ANKRD18A: variants seen among roughly 807,000 people sequenced by gnomAD.
ANKRD18A encodes ankyrin repeat domain 18A.
ANKRD18A carries 72 observed loss-of-function variants against 110.6 expected under a neutral mutation model. That is an observed-to-expected ratio of 0.65 (90% CI 0.54 to 0.79). The LOEUF is 0.79. Ranked by LOEUF, ANKRD18A falls within the 30% of genes least tolerant of loss-of-function variation. The probability of loss-of-function intolerance (pLI) is 0.00; values close to 1 mark genes in which losing one functional copy is unlikely to be tolerated. For missense variants in ANKRD18A, 934 were observed against 1,163.3 expected (o/e 0.80, Z 2.87); for synonymous variants, 305 against 410.3 (o/e 0.74, Z 3.10).
At chr9:38,572,115 G>A in intron 15 of ANKRD18A, 56 bp from the exon 16 acceptor site, 1 of 1,358,798 alleles carries the variant, frequency 7.4e-7, no homozygotes, top group Non-Finnish European at 1.0e-6. Context: ...AGTTAACGAA[G>A]TGTAAGTTTA....
chr9:38,594,840 G>A (rs1405458635), intron 9 of ANKRD18A, among the ~76,000 whole-genome samples: 1 of 152,136 alleles, frequency 6.6e-6, no homozygotes, highest in Non-Finnish European at 1.5e-5. Context: ...ACACATTTCA[G>A]GTACAAGCAT....
At position 38,607,488 on chromosome 9, in the gene ANKRD18A, C is replaced by T. The variant is rs1485138689; in HGVS notation, c.746G>A (p.Arg249Gln). The change falls in exon 6 of 16, where the codon CGA (arginine) becomes CAA (glutamine). Residue 249 changes from arginine (R) to glutamine (Q), a missense_variant. Transcript: ENST00000399703. ...ATTTTTATGTTCCAAAATTTGTTGT[C>T]GGATGCTATGCATAATAAACGTAAT... Reference protein sequence around the residue: ...YALCSDLRSIRQQILEHKNKM... With the variant: ...YALCSDLRSIQQQILEHKNKM... 2.6e-5 allele frequency: 39 copies of T among 1,486,180 alleles called. No homozygotes were observed. Among genetic ancestry groups the T allele is most frequent in the Admixed American group, 7.3e-5 (3 of 41,288 alleles). The allele number at this position is 1,486,180 out of a possible 1,614,324, so 92.1% of individuals were successfully genotyped here. A position where few individuals can be genotyped will look rare whatever the true frequency, so the allele number is the denominator to read the frequency against.
At chr9:38,586,122 C>G in intron 12 of ANKRD18A, 61 bp downstream of exon 12, 2 of 1,458,648 alleles carry the variant, frequency 1.4e-6, no homozygotes, top group African/African-American at 3.0e-5. Flanking sequence ...ATGTAACAAA[C>G]CTGTACCTCT....
chr9:38,598,885 T>C (rs1384522349), intron 8 of ANKRD18A, among the ~76,000 whole-genome samples: 1 of 152,242 alleles, frequency 6.6e-6, no homozygotes, highest in African/African-American at 2.4e-5. Context: ...CATGCTTCCA[T>C]TCTTTGGAGT....
At chr9:38,615,531 T>C (rs1825812596) in intron 3 of ANKRD18A, 63 bp downstream of exon 3, 6 of 1,465,220 alleles carry the variant, frequency 4.1e-6, no homozygotes, top group South Asian at 3.0e-5. Context: ...ATATGAAAAA[T>C]TGACTCTTAA....
At chr9:38,602,250 G>A (rs916875510) in intron 7 of ANKRD18A, among the ~76,000 whole-genome samples, 3 of 150,614 alleles carry the variant, frequency 2.0e-5, no homozygotes, top group African/African-American at 7.4e-5. Context: ...TTCCTGCTAA[G>A]TGGTAGGCAC....
intron 1 of ANKRD18A, among the ~76,000 whole-genome samples, chr9:38,616,385 G>A (rs1391186663): frequency 5.9e-5 from 9 of 152,234 alleles, no homozygotes; most frequent in African/African-American, 1.9e-4. Context: ...ACACCACTGT[G>A]ATGCTTAAAT....
At chr9:38,584,541 G>C (rs184516390) in intron 12 of ANKRD18A, among the ~76,000 whole-genome samples, 1 of 152,114 alleles carries the variant, frequency 6.6e-6, no homozygotes, top group Non-Finnish European at 1.5e-5. Context: ...TGAGTGAATT[G>C]CATGGTGTGT....
chr9:38,570,426 C>A (rs948048637), downstream of ANKRD18A, among the ~76,000 whole-genome samples: 4 of 152,122 alleles, frequency 2.6e-5, no homozygotes, highest in African/African-American at 9.7e-5. Context: ...TACACCCCAC[C>A]GACCAGTTTT....
intron 1 of ANKRD18A, among the ~76,000 whole-genome samples, chr9:38,617,635 GT>G (rs1197102081): frequency 6.6e-6 from 1 of 152,076 alleles, no homozygotes; most frequent in African/African-American, 2.4e-5. Context: ...ATCTCTTATT[GT>G]TTTCTACCTT....
rs559927725 is a variant in ANKRD18A at position 38,586,360 on chromosome 9, A to T, written c.2118-48T>A. 2.5e-5 allele frequency: 35 copies of T among 1,425,550 alleles called. No individual in the cohort carries two copies. In the East Asian group the frequency reaches 8.7e-4, roughly 36 times the overall value. The allele number at this position is 1,425,550 out of a possible 1,614,324, so 88.3% of individuals were successfully genotyped here. A position where few individuals can be genotyped will look rare whatever the true frequency, so the allele number is the denominator to read the frequency against. On this transcript the variant is annotated intron_variant, in intron 11 of 15. Coordinates refer to ENST00000399703, the MANE Select transcript of ANKRD18A (RefSeq NM_147195.4). Reference sequence around the variant, plus strand: ...AAGTCAAGTATTTTTAAGAGTAAATATTTAATAATTGTTTAAACAGATATT... The same window carrying T: ...AAGTCAAGTATTTTTAAGAGTAAATTTTTAATAATTGTTTAAACAGATATT...
At chr9:38,572,201 T>G in intron 15 of ANKRD18A, 142 bp from the exon 16 acceptor site, 2 of 550,800 alleles carry the variant, frequency 3.6e-6, no homozygotes, top group Non-Finnish European at 6.1e-6. Flanking sequence ...ACAAAATTAC[T>G]ATTAAATCAT....
chr9:38,576,370 T>C (rs1018511841), intron 14 of ANKRD18A, among the ~76,000 whole-genome samples: 7 of 152,300 alleles, frequency 4.6e-5, no homozygotes, highest in African/African-American at 1.7e-4. Context: ...CAATTAGCCC[T>C]CAACACCGTG....
downstream of ANKRD18A, chr9:38,569,076 T>C (rs1823546185): frequency 2.0e-6 from 2 of 985,142 alleles, no homozygotes; most frequent in South Asian, 4.7e-5. Flanking sequence ...TTCTTCCATG[T>C]TGGGCTGGTC....
intron 5 of ANKRD18A, among the ~76,000 whole-genome samples, chr9:38,609,205 C>A (rs553790863): frequency 6.6e-6 from 1 of 152,004 alleles, no homozygotes; most frequent in African/African-American, 2.4e-5. Flanking sequence ...GTGGGCCGGG[C>A]GCGGTGGCTC....
chr9:38,575,928 A>G (rs1823874722), intron 14 of ANKRD18A, among the ~76,000 whole-genome samples: 1 of 152,220 alleles, frequency 6.6e-6, no homozygotes, highest in South Asian at 2.1e-4. Flanking sequence ...AAGCAGTTCA[A>G]AGTGGACAGG....
At chr9:38,614,219 G>GTTTTTTTTTTTTTTTTT (rs58955752) in intron 3 of ANKRD18A, among the ~76,000 whole-genome samples, 4 of 68,804 alleles carry the variant, frequency 5.8e-5, no homozygotes, top group Non-Finnish European at 7.8e-5. Context: ...GAACACTGAG[G>GTTTTTTTTTTTTTTTTT]TTTTTTTTTT....
chr9:38,588,840 T>C (rs1378010391), intron 10 of ANKRD18A, among the ~76,000 whole-genome samples, 177 bp from the exon 11 acceptor site: 1 of 152,184 alleles, frequency 6.6e-6, no homozygotes, highest in Non-Finnish European at 1.5e-5. Context: ...TTAAAACAGC[T>C]AAAAAAGATT....
In ANKRD18A at chr9:38,603,353, A is replaced by G. The variant is rs573602687; in HGVS notation, c.809-141T>C. The G allele has an allele frequency of 1.9e-3, 2,312 of 1,202,520 alleles. 4 individuals carry two copies. The highest frequency in any genetic ancestry group is 2.4e-3 in the Non-Finnish European group (2,064 of 868,628). The allele number at this position is 1,202,520 out of a possible 1,614,324, so 74.5% of individuals were successfully genotyped here. A position where few individuals can be genotyped will look rare whatever the true frequency, so the allele number is the denominator to read the frequency against. On this transcript the variant is annotated intron_variant, in intron 6 of 15. Coordinates refer to ENST00000399703, the MANE Select transcript of ANKRD18A (RefSeq NM_147195.4). ...TTTAGAAGCTTGCACTCATCACCAC[A>G]AATTTAAAAGTGAATGGCATCTAAT...
Sources: gnomAD v4.1 joint callset for allele counts (sites outside exome capture counted in the v4.1 genomes callset) on GRCh38, gnomAD v4.1.1 for gene constraint, MANE v1.5 for transcripts, NCBI Gene and HGNC (gene_info 2026-07-23, HGNC 2026-07-21) for gene names.